Variants in AOPEP observed in about 807,000 individuals in gnomAD.
The protein encoded by AOPEP is aminopeptidase O.
Under a neutral mutation model 98.1 loss-of-function variants are expected in AOPEP, and 77 were observed. The observed-to-expected ratio is 0.78, with a 90% CI of 0.65 to 0.95. The LOEUF (loss-of-function observed/expected upper bound fraction) is 0.95. Ranked by LOEUF, AOPEP falls within the 40% of genes least tolerant of loss-of-function variation. The probability of loss-of-function intolerance (pLI) is 0.00; values close to 1 mark genes in which losing one functional copy is unlikely to be tolerated. For synonymous variants in AOPEP, 346 were observed against 365.3 expected (o/e 0.95, Z 0.60); for missense variants, 1,024 against 1,024.7 (o/e 1.00, Z 0.01).
intron 5 of AOPEP, among the ~76,000 whole-genome samples, chr9:94,834,528 C>T (rs912369241): frequency 6.6e-6 from 1 of 152,192 alleles, no homozygotes; most frequent in Non-Finnish European, 1.5e-5. Context: ...CCTGGTGGCT[C>T]ATGCCTGTAA....
intron 3 of AOPEP, among the ~76,000 whole-genome samples, chr9:94,791,198 A>G (rs1175740316): frequency 6.6e-6 from 1 of 152,200 alleles, no homozygotes; most frequent in Non-Finnish European, 1.5e-5. Flanking sequence ...AGCAACATGG[A>G]TGGGGCTGGA....
intron 2 of AOPEP, among the ~76,000 whole-genome samples, chr9:94,768,840 C>T (rs572811637): frequency 2.0e-5 from 3 of 152,272 alleles, no homozygotes; most frequent in East Asian, 1.9e-4. Context: ...AGGAATTACT[C>T]GATCTAGAAA....
At chr9:95,137,205 G>A in the AOPEP span, among the ~76,000 whole-genome samples, 229 of 152,294 alleles carry the variant, frequency 1.5e-3, no homozygotes, top group African/African-American at 4.2e-3. Flanking sequence ...CAGCAACTGG[G>A]TCCAGGGACA....
chr9:94,848,597 G>A (rs2043148362), intron 5 of AOPEP, among the ~76,000 whole-genome samples: 1 of 151,872 alleles, frequency 6.6e-6, no homozygotes, highest in Admixed American at 6.6e-5. Context: ...ACCCCAGCCT[G>A]GGTGACAGAG....
At chr9:95,005,485 G>T (rs1257363242) in intron 12 of AOPEP, 57 bp from the exon 13 acceptor site, 2 of 1,495,630 alleles carry the variant, frequency 1.3e-6, no homozygotes, top group Non-Finnish European at 9.3e-7. Context: ...TCGCGCTGGG[G>T]GATGGCCGTC....
chr9:95,083,549 G>A (rs1412638431), intron 16 of AOPEP, among the ~76,000 whole-genome samples: 1 of 144,100 alleles, frequency 6.9e-6, no homozygotes, highest in Non-Finnish European at 1.5e-5. Context: ...AGTACACGCG[G>A]CACACACACC....
At chr9:95,107,779 TACAC>T in the AOPEP span, among the ~76,000 whole-genome samples, 9 of 152,240 alleles carry the variant, frequency 5.9e-5, no homozygotes, top group South Asian at 4.1e-4. Context: ...AGCACGGTCA[TACAC>T]ACATGCATGC....
Position 94,800,937 on chromosome 9 carries a change from A to G in AOPEP, c.1299A>G (p.Ala433=). 6.2e-7 allele frequency: 1 copy of G among 1,614,094 alleles called. No homozygotes were observed. Among genetic ancestry groups the G allele is most frequent in the Admixed American group, 1.7e-5 (1 of 60,026 alleles). ...CLSAAHSVLG[A]HPFSRLDVLI... is the part of the protein sequence containing the mutation. ...CAGCAGCACATTCTGTTCTGGGAGC[A>G]CACCCGTTCTCTCGGCTGGATGTTC... The change falls in exon 5 of 17, where the codon GCA becomes GCG. Residue 433 remains alanine, a synonymous_variant. Coordinates refer to ENST00000375315, the MANE Select transcript of AOPEP (RefSeq NM_001193329.3).
intron 13 of AOPEP, among the ~76,000 whole-genome samples, chr9:95,012,420 A>C (rs892686923): frequency 6.6e-6 from 1 of 152,176 alleles, no homozygotes; most frequent in African/African-American, 2.4e-5. Flanking sequence ...CGGCTGGAAA[A>C]GGGAGGCAGG....
intron 1 of AOPEP, among the ~76,000 whole-genome samples, chr9:94,738,261 A>G (rs925486796): frequency 2.7e-4 from 41 of 152,216 alleles, no homozygotes; most frequent in African/African-American, 8.2e-4. Flanking sequence ...CTGAATTCCC[A>G]AAGGAGAAAG....
At chr9:95,114,763 T>C in the AOPEP span, 1 of 1,504,222 alleles carries the variant, frequency 6.6e-7, no homozygotes, top group African/African-American at 1.4e-5. Context: ...GTCAAGCCCA[T>C]GAGGAACCAC....
At chr9:95,012,844 G>A (rs1351051142) in intron 13 of AOPEP, among the ~76,000 whole-genome samples, 2 of 151,656 alleles carry the variant, frequency 1.3e-5, no homozygotes, top group African/African-American at 2.4e-5. Flanking sequence ...CCCACAAATG[G>A]CATTTATTTT....
intron 1 of AOPEP, among the ~76,000 whole-genome samples, chr9:94,751,836 T>G (rs1835853346): frequency 2.0e-5 from 3 of 151,604 alleles, no homozygotes; most frequent in African/African-American, 7.3e-5. Flanking sequence ...TGCTGAGGTT[T>G]GGGCTTCTAT....
At chr9:95,007,909 A>G (rs1378261330) in intron 13 of AOPEP, among the ~76,000 whole-genome samples, 10 of 152,222 alleles carry the variant, frequency 6.6e-5, no homozygotes, top group Non-Finnish European at 1.5e-5. Context: ...ACCTGTTATT[A>G]GTAGGAGCCG....
rs1302550229 is a variant in AOPEP, at chr9:95,086,768, T to G, written c.*91T>G. On this transcript the variant is annotated 3_prime_UTR_variant, in exon 17 of 17. Transcript: ENST00000375315. ...TGACCCTGGACATCAAAGGAGGGAT[T>G]ATGTGGCTGCTAAAGCCATCGGCCC... The G allele has an allele frequency of 1.0e-6, 1 of 987,848 alleles. No homozygotes were observed. The highest frequency in any genetic ancestry group is 1.2e-6 in the Non-Finnish European group (1 of 830,144). The allele number at this position is 987,848 out of a possible 1,614,324, so 61.2% of individuals were successfully genotyped here. A position where few individuals can be genotyped will look rare whatever the true frequency, so the allele number is the denominator to read the frequency against.
At chr9:95,081,999 C>A (rs1473602925) in intron 15 of AOPEP, among the ~76,000 whole-genome samples, 1 of 151,926 alleles carries the variant, frequency 6.6e-6, no homozygotes, top group African/African-American at 2.4e-5. Context: ...CGGCATTGTT[C>A]CCAAGCAGCA....
At chr9:94,800,047 C>T (rs1370736367) in intron 4 of AOPEP, among the ~76,000 whole-genome samples, 1 of 152,128 alleles carries the variant, frequency 6.6e-6, no homozygotes, top group Admixed American at 6.5e-5. Context: ...GATGGAATAA[C>T]TGGCAGTGGT....
At chr9:94,741,542 A>G (rs1343966009) in intron 1 of AOPEP, among the ~76,000 whole-genome samples, 1 of 151,978 alleles carries the variant, frequency 6.6e-6, no homozygotes, top group African/African-American at 2.4e-5. Context: ...AAGTGTTGAG[A>G]TTACGGGTGT....
chr9:94,868,153 T>C (rs1224148515), intron 5 of AOPEP, among the ~76,000 whole-genome samples: 6 of 152,208 alleles, frequency 3.9e-5, no homozygotes, highest in African/African-American at 1.4e-4. Context: ...TACTAATTCC[T>C]AGGCTGCTTT....
Sources: gnomAD v4.1 joint callset for allele counts (sites outside exome capture counted in the v4.1 genomes callset) on GRCh38, gnomAD v4.1.1 for gene constraint, MANE v1.5 for transcripts, NCBI Gene and HGNC (gene_info 2026-07-23, HGNC 2026-07-21) for gene names.